TMEM178A: variants seen among roughly 807,000 people sequenced by gnomAD.
TMEM178A encodes the protein transmembrane protein 178.
A neutral mutation model predicts 29.1 loss-of-function variants in TMEM178A; 12 were observed. That is an observed-to-expected ratio of 0.41 (90% CI 0.26 to 0.67). The LOEUF is 0.67. Among genes scored for constraint, TMEM178A ranks in the 30% least tolerant of loss-of-function variants. The pLI, the probability that TMEM178A is intolerant of heterozygous loss-of-function variation, is 0.29. For synonymous variants in TMEM178A, 210 were observed against 187.2 expected (o/e 1.12, Z -0.99); for missense variants, 366 against 419.1 (o/e 0.87, Z 1.11).
chr2:39,716,215 A>G (rs1672528288), intron 3 of TMEM178A, among the ~76,000 whole-genome samples: 1 of 152,250 alleles, frequency 6.6e-6, no homozygotes, highest in African/African-American at 2.4e-5. Context: ...ATTGCGGTGG[A>G]ATAGAAGCAC....
chr2:39,719,379 G>A (rs74522849), downstream of TMEM178A, among the ~76,000 whole-genome samples: 3,974 of 152,334 alleles, frequency 0.026, 74 homozygotes, highest in Middle Eastern at 0.054. Flanking sequence ...GGTAGCAGGA[G>A]GTTGAAGGGT....
intron 1 of TMEM178A, among the ~76,000 whole-genome samples, chr2:39,691,521 T>C (rs1671317460): frequency 6.6e-6 from 1 of 152,166 alleles, no homozygotes; most frequent in South Asian, 2.1e-4. Context: ...AAGAGAACCG[T>C]GGTACACTGC....
intron 1 of TMEM178A, among the ~76,000 whole-genome samples, chr2:39,674,574 C>G (rs958018466): frequency 6.6e-6 from 1 of 152,044 alleles, no homozygotes; most frequent in Non-Finnish European, 1.5e-5. Flanking sequence ...GTTTACTGCT[C>G]CAGTGCTGGG....
chr2:39,683,540 A>G (rs186346292), intron 1 of TMEM178A, among the ~76,000 whole-genome samples: 94 of 152,290 alleles, frequency 6.2e-4, no homozygotes, highest in African/African-American at 2.2e-3. Context: ...CCCAGGCAGG[A>G]TAGAGCCTGG....
At chr2:39,668,001 C>G (rs1670243496) in intron 1 of TMEM178A, among the ~76,000 whole-genome samples, 1 of 152,194 alleles carries the variant, frequency 6.6e-6, no homozygotes, top group African/African-American at 2.4e-5. Flanking sequence ...CATTTCCTTA[C>G]ACTTTCTATG....
chr2:39,706,604 C>A (rs1672046629), intron 2 of TMEM178A, among the ~76,000 whole-genome samples: 2 of 150,008 alleles, frequency 1.3e-5, no homozygotes, highest in South Asian at 4.3e-4. Flanking sequence ...CAGCCACTAC[C>A]AGGGTAGTAA....
chr2:39,724,155 T>C, the TMEM178A span, among the ~76,000 whole-genome samples: 1 of 152,178 alleles, frequency 6.6e-6, no homozygotes, highest in Admixed American at 6.5e-5. Context: ...CAGAACATTA[T>C]GAGAAATTCC....
chr2:39,681,448 G>A (rs1488356936), intron 1 of TMEM178A, among the ~76,000 whole-genome samples: 3 of 152,188 alleles, frequency 2.0e-5, no homozygotes, highest in Non-Finnish European at 4.4e-5. Flanking sequence ...AAGATTAAGA[G>A]GAGAAAAATG....
intron 3 of TMEM178A, among the ~76,000 whole-genome samples, chr2:39,712,562 A>G (rs1672354929): frequency 6.6e-6 from 1 of 152,196 alleles, no homozygotes; most frequent in African/African-American, 2.4e-5. Flanking sequence ...ATTTTATAAG[A>G]AAAGTAGTTG....
Position 39,666,191 on chromosome 2 carries a change from C to G in TMEM178A, c.217C>G (p.Leu73Val). ...CCTGCCGCTGCGGGACTCGCCCCCG[C>G]TGGGGCGCCGGCTGCTCCCGGGCGG... ...SHLPLRDSPP[L>V]GRRLLPGGPG... The change falls in exon 1 of 4, where the codon CTG becomes GTG. Residue 73 changes from leucine (L) to valine (V), a missense_variant. Transcript: ENST00000281961. 12 of 1,442,746 alleles carry G rather than the reference C, an allele frequency of 8.3e-6. No individual in the cohort carries two copies. The highest frequency in any genetic ancestry group is 1.1e-5 in the Non-Finnish European group (12 of 1,102,216). 89.4% of individuals were successfully genotyped at this position (1,442,746 alleles called of 1,614,324 possible). A position where few individuals can be genotyped will look rare whatever the true frequency, so the allele number is the denominator to read the frequency against.
rs397955246 is a variant in TMEM178A, at chr2:39,698,698, A to ATT, written c.401-5372_401-5371dup. On this transcript the variant is annotated intron_variant, in intron 1 of 3. Coordinates refer to ENST00000281961, the MANE Select transcript of TMEM178A (RefSeq NM_152390.3). Reference sequence around the variant, plus strand: ...AAGTAGGAAGTTTCCTTCATGCTCTATTTTTTTTTTTTGTTTTGAAGAGTC... The same window carrying ATT: ...AAGTAGGAAGTTTCCTTCATGCTCTATTTTTTTTTTTTTTGTTTTGAAGAGTC... Among the ~76,000 whole-genome samples the ATT allele has an allele frequency of 4.2e-3, 620 of 146,266 alleles. 2 individuals are homozygous for ATT. Among genetic ancestry groups the ATT allele is most frequent in the East Asian group, 0.015 (78 of 5,062 alleles).
intron 1 of TMEM178A, among the ~76,000 whole-genome samples, chr2:39,686,750 G>A (rs1435164533): frequency 6.6e-6 from 1 of 152,124 alleles, no homozygotes; most frequent in Non-Finnish European, 1.5e-5. Flanking sequence ...TGATTTTGGT[G>A]TTCCTCTAAA....
chr2:39,671,451 G>T (rs947521620), intron 1 of TMEM178A, among the ~76,000 whole-genome samples: 3 of 152,164 alleles, frequency 2.0e-5, no homozygotes, highest in African/African-American at 7.2e-5. Flanking sequence ...TGACCCAGTG[G>T]TTCACAGATT....
chr2:39,705,104 G>C (rs1243952547), intron 2 of TMEM178A, among the ~76,000 whole-genome samples: 2 of 152,170 alleles, frequency 1.3e-5, no homozygotes, highest in African/African-American at 4.8e-5. Flanking sequence ...GTAGTTACTG[G>C]CTCAGGTCAG....
At chr2:39,671,416 A>G (rs1670403096) in intron 1 of TMEM178A, among the ~76,000 whole-genome samples, 1 of 152,240 alleles carries the variant, frequency 6.6e-6, no homozygotes, top group Admixed American at 6.5e-5. Context: ...AGGGAAGTTG[A>G]GAAACCAGCA....
the TMEM178A span, among the ~76,000 whole-genome samples, chr2:39,725,407 G>C: frequency 6.6e-6 from 1 of 152,212 alleles, no homozygotes; most frequent in Non-Finnish European, 1.5e-5. Context: ...CGATTGAGGA[G>C]CTGGTTCTGT....
chr2:39,733,910 T>A, the TMEM178A span, among the ~76,000 whole-genome samples: 2 of 152,262 alleles, frequency 1.3e-5, no homozygotes, highest in South Asian at 4.2e-4. Flanking sequence ...CTGCATTTTA[T>A]CCCCTTATTC....
At chr2:39,711,543 C>T (rs1274925001) in intron 3 of TMEM178A, among the ~76,000 whole-genome samples, 1 of 152,160 alleles carries the variant, frequency 6.6e-6, no homozygotes. Flanking sequence ...CCCTTCCTGA[C>T]AGCAGAGACA....
intron 1 of TMEM178A, among the ~76,000 whole-genome samples, chr2:39,703,353 A>C (rs773247258): frequency 6.6e-6 from 1 of 152,202 alleles, no homozygotes; most frequent in Non-Finnish European, 1.5e-5. Flanking sequence ...TTATGCAGTA[A>C]AACATGGGTG....
Sources: gnomAD v4.1 joint callset for allele counts (sites outside exome capture counted in the v4.1 genomes callset) on GRCh38, gnomAD v4.1.1 for gene constraint, MANE v1.5 for transcripts, NCBI Gene and HGNC (gene_info 2026-07-23, HGNC 2026-07-21) for gene names.